IGSF9B: variants seen among roughly 807,000 people sequenced by gnomAD.
IGSF9B encodes the protein protein turtle homolog B.
IGSF9B carries 48 observed loss-of-function variants against 143.7 expected under a neutral mutation model. That is an observed-to-expected ratio of 0.33 (90% CI 0.26 to 0.42). IGSF9B has a LOEUF of 0.42. Among genes scored for constraint, IGSF9B ranks in the 20% least tolerant of loss-of-function variants. The pLI is 1.00. For missense variants in IGSF9B, 1,706 were observed against 1,980.0 expected (o/e 0.86, Z 2.63); for synonymous variants, 903 against 833.1 (o/e 1.08, Z -1.44).
rs1939739550 is a variant in IGSF9B, at chr11:133,931,967, T to C, written c.1110+104A>G. ...GCAGCTCTCTGTTTGCCCAGGGCTT[T>C]TGGAAGGGGCCAGGAGTCCTGGCAG... On this transcript the variant is annotated intron_variant, in intron 8 of 19. Coordinates refer to ENST00000533871, the MANE Select transcript of IGSF9B (RefSeq NM_001277285.4). This position sits in a 1 kb window ranked among gnomAD's most constrained non-coding sequence, Gnocchi z 7.7. 6.6e-7 allele frequency: 1 copy of C among 1,511,718 alleles called. No homozygotes were observed. Among genetic ancestry groups the C allele is most frequent in the African/African-American group, 1.4e-5 (1 of 71,620 alleles). 93.6% of individuals were successfully genotyped at this position (1,511,718 alleles called of 1,614,324 possible).
intron 3 of IGSF9B, among the ~76,000 whole-genome samples, chr11:133,939,970 G>A (rs1279275339): frequency 1.4e-5 from 2 of 145,642 alleles, no homozygotes; most frequent in African/African-American, 2.6e-5. Context: ...CCTCGCATGC[G>A]TCATCACATA....
chr11:133,938,106 T>C, intron 3 of IGSF9B, 145 bp from the exon 4 acceptor site: 1 of 887,902 alleles, frequency 1.1e-6, no homozygotes, highest in South Asian at 1.8e-5. Flanking sequence ...GGAAAAACTT[T>C]CTGCCTACCA....
chr11:133,920,865 G>C lies in IGSF9B; in HGVS notation c.2860C>G (p.Arg954Gly). 1 of 1,602,022 alleles carries C rather than the reference G, an allele frequency of 6.2e-7. No homozygotes were observed. Among genetic ancestry groups the C allele is most frequent in the Non-Finnish European group, 8.5e-7 (1 of 1,173,738 alleles). The stretch of plus-strand genomic sequence containing the variant: ...TGGAAGGGCCGGGGGGCAGGGGGCC[G>C]GGCCTGGCCTGTGGCCTGAAGCCGA... Reference protein sequence around the residue: ...EGRLQATGQARPPAPRPFHHG... With the variant: ...EGRLQATGQAGPPAPRPFHHG... Residue 954 changes from arginine (R) to glycine (G), a missense_variant, in exon 18 of 20, where the codon CGG (arginine) becomes GGG (glycine). Physicochemically the swap from Arg to Gly is moderately radical, Grantham distance 125 (BLOSUM62 -2). Transcript: ENST00000533871.
At chr11:133,918,974 A>G (rs10791338) in intron 18 of IGSF9B, 333,918 of 471,792 alleles carry the variant, frequency 0.71, 120,375 homozygotes, top group East Asian at 0.83. Flanking sequence ...GACGGCAGGG[A>G]AGAAGGATGA....
rs1272437558 is a variant in IGSF9B, at chr11:133,896,983, C to T, written c.*12086G>A. Reference sequence around the variant, plus strand: ...GCCCAGCAGCAGGATGCCCAGGGTCCCTGCAGGAAGAACCCTCTTCCCCAG... The same window carrying T: ...GCCCAGCAGCAGGATGCCCAGGGTCTCTGCAGGAAGAACCCTCTTCCCCAG... On this transcript the variant is annotated 3_prime_UTR_variant, in exon 20 of 20. Coordinates refer to ENST00000533871, the MANE Select transcript of IGSF9B (RefSeq NM_001277285.4). The T allele has an allele frequency of 1.3e-5, 2 of 152,288 alleles. No individual in the cohort carries two copies. The highest frequency in any genetic ancestry group is 2.9e-5 in the Non-Finnish European group (2 of 68,158). The allele number at this position is 152,288 out of a possible 1,614,324, so 9.4% of individuals were successfully genotyped here.
intron 18 of IGSF9B, chr11:133,912,335 G>A: frequency 2.0e-6 from 1 of 503,626 alleles, no homozygotes; most frequent in South Asian, 1.5e-5. Flanking sequence ...TAGTGTCAGA[G>A]ACAGAAGTAG....
chr11:133,922,853 C>T (rs1009301895), intron 15 of IGSF9B, 123 bp from the exon 16 acceptor site: 2 of 856,848 alleles, frequency 2.3e-6, no homozygotes, highest in African/African-American at 3.4e-5. Flanking sequence ...GGCTCGGGCT[C>T]CAAGCTGAAC....
In IGSF9B at chr11:133,898,991, G is replaced by A. The variant is rs3802918; in HGVS notation, c.*10078C>T. 0.048 allele frequency: 7,380 copies of A among 152,408 alleles called. 358 individuals are homozygous for A. The highest frequency in any genetic ancestry group is 0.16 in the Admixed American group (2,405 of 15,306). 9.4% of individuals were successfully genotyped at this position (152,408 alleles called of 1,614,324 possible). On this transcript the variant is annotated 3_prime_UTR_variant, in exon 20 of 20. Transcript: ENST00000533871. ...CCCCAAGCTGCTGGTTGGTGACAGT[G>A]GGGAAGAGGGACAGGGCCCACACTG... is the stretch of plus-strand genomic sequence containing the variant.
In IGSF9B at chr11:133,908,331, C is replaced by G. The variant is rs757628607; in HGVS notation, c.*738G>C. Among the ~76,000 whole-genome samples the G allele has an allele frequency of 1.3e-5, 2 of 152,052 alleles. No homozygotes were observed. The highest frequency in any genetic ancestry group is 2.9e-5 in the Non-Finnish European group (2 of 68,014). Reference sequence around the variant, plus strand: ...GTTCTGCAGTAACTCATTACTGAACCCCCATAGAAGGCAGCCGGTAATCAC... The same window carrying G: ...GTTCTGCAGTAACTCATTACTGAACGCCCATAGAAGGCAGCCGGTAATCAC... On this transcript the variant is annotated 3_prime_UTR_variant, in exon 20 of 20. Transcript: ENST00000533871.
chr11:133,944,475 T>G, intron 2 of IGSF9B, 109 bp from the exon 3 acceptor site: 2 of 1,160,952 alleles, frequency 1.7e-6, no homozygotes, highest in Non-Finnish European at 1.2e-6. Flanking sequence ...CTTCATACCA[T>G]TCCCTATGGC....
In IGSF9B at chr11:133,913,749, A is replaced by G. The variant is rs1310273807; in HGVS notation, c.3984-1742T>C. Reference sequence around the variant, plus strand: ...AAGCGGGAAGGCAGACAAAGGGTGCAGGTGCCCGGGCGGGAGGCAGCACAC... The same window carrying G: ...AAGCGGGAAGGCAGACAAAGGGTGCGGGTGCCCGGGCGGGAGGCAGCACAC... On this transcript the variant is annotated intron_variant, in intron 18 of 19. Transcript: ENST00000533871. This position sits in a 1 kb window ranked among gnomAD's most constrained non-coding sequence, Gnocchi z 4.6. Among the ~76,000 whole-genome samples the G allele has an allele frequency of 2.6e-5, 4 of 152,236 alleles. No individual in the cohort carries two copies. The highest frequency in any genetic ancestry group is 7.2e-5 in the African/African-American group (3 of 41,464).
At chr11:133,952,648 G>A (rs1332903484) in intron 1 of IGSF9B, among the ~76,000 whole-genome samples, 1 of 152,092 alleles carries the variant, frequency 6.6e-6, no homozygotes, top group Non-Finnish European at 1.5e-5. Flanking sequence ...GGGCACATGT[G>A]CACACACATA....
In IGSF9B at chr11:133,946,128, G is replaced by A. The variant is rs145387553; in HGVS notation, c.195C>T (p.Phe65=). 437 of 1,611,338 alleles carry A rather than the reference G, an allele frequency of 2.7e-4. 1 individual carries two copies. The African/African-American group carries it at 4.5e-3, about 17-fold the overall frequency. The change falls in exon 2 of 20, where the codon TTC becomes TTT. Residue 65 remains phenylalanine, a synonymous_variant. Transcript: ENST00000533871. ...TGATGAAGATAGGGATGGGGACCCC[G>A]AACTTGAACCACTCTACGACATAGG... ...PPPYVVEWFK[F]GVPIPIFIKF...
At chr11:133,947,708 T>TTTTCTCTCTCTCTC (rs1555098681) in intron 1 of IGSF9B, among the ~76,000 whole-genome samples, 1 of 134,800 alleles carries the variant, frequency 7.4e-6, no homozygotes, top group Non-Finnish European at 1.6e-5. Flanking sequence ...TCTGTGTTTG[T>TTTTCTCTCTCTCTC]TCTCTCTCTC....
Position 133,956,907 on chromosome 11 carries a change from C to T in IGSF9B, c.-153G>A. On this transcript the variant is annotated 5_prime_UTR_variant, in exon 1 of 20. Transcript: ENST00000533871. ...AGCCCGGGTGGCCAGCTCTCCATCC[C>T]TCCTAGGCTCCGCTCGGCTCGGCGC... is the stretch of plus-strand genomic sequence containing the variant. 1 of 402,732 alleles carries T rather than the reference C, an allele frequency of 2.5e-6. No individual in the cohort carries two copies. The highest frequency in any genetic ancestry group is 4.4e-6 in the Non-Finnish European group (1 of 226,324). The allele number at this position is 402,732 out of a possible 1,614,324, so 24.9% of individuals were successfully genotyped here.
Position 133,904,467 on chromosome 11 carries a change from A to G in IGSF9B, c.*4602T>C, listed in dbSNP as rs140756870. ...ATTCTAGAAGAAGCAAGGAAGATCT[A>G]GCTAAGAAGCAAGACCTCTCCCAAG... On this transcript the variant is annotated 3_prime_UTR_variant, in exon 20 of 20. Transcript: ENST00000533871. Among the ~76,000 whole-genome samples, 108 of 152,300 alleles carry G rather than the reference A, an allele frequency of 7.1e-4. No individual in the cohort carries two copies. The highest frequency in any genetic ancestry group is 2.6e-3 in the African/African-American group (107 of 41,568).
chr11:133,928,404 A>G lies in IGSF9B; in HGVS notation c.1631+1267T>C, dbSNP rs1466194519. On this transcript the variant is annotated intron_variant, in intron 12 of 19. Transcript: ENST00000533871. The surrounding 1 kb of genome is among the most constrained non-coding windows in gnomAD (Gnocchi z 4.7). Reference sequence around the variant, plus strand: ...ACCCAGGACACTCCGCCCGGGAAGCAGCCACCGAACCACCATGATGGGAGA... The same window carrying G: ...ACCCAGGACACTCCGCCCGGGAAGCGGCCACCGAACCACCATGATGGGAGA... Among the ~76,000 whole-genome samples the G allele has an allele frequency of 5.3e-5, 8 of 152,170 alleles. No individual in the cohort carries two copies. Among genetic ancestry groups the G allele is most frequent in the African/African-American group, 1.9e-4 (8 of 41,438 alleles).
At chr11:133,935,909 G>T in intron 6 of IGSF9B, 144 bp downstream of exon 6, 1 of 1,383,176 alleles carries the variant, frequency 7.2e-7, no homozygotes, top group Non-Finnish European at 9.8e-7. Context: ...CCTGGCCTTG[G>T]CATGTGAGAC....
rs1333893528 is a variant in IGSF9B at position 133,913,500 on chromosome 11, G to A, written c.3984-1493C>T. 6.6e-6 allele frequency among the ~76,000 whole-genome samples: 1 copy of A among 152,186 alleles called. No individual in the cohort carries two copies. Among genetic ancestry groups the A allele is most frequent in the East Asian group, 1.9e-4 (1 of 5,184 alleles). On this transcript the variant is annotated intron_variant, in intron 18 of 19. Transcript: ENST00000533871. The surrounding 1 kb of genome is among the most constrained non-coding windows in gnomAD (Gnocchi z 4.6). ...AGTGACCTCCATCTTCCTGGGGGAT[G>A]TCATCATTCTCTAGTCCTTTAGTCC... is the stretch of plus-strand genomic sequence containing the variant.
Sources: gnomAD v4.1 joint callset for allele counts (sites outside exome capture counted in the v4.1 genomes callset) on GRCh38, gnomAD v4.1.1 for gene constraint, Gnocchi (gnomAD v3.1) non-coding constraint, MANE v1.5 for transcripts, NCBI Gene and HGNC (gene_info 2026-07-23, HGNC 2026-07-21) for gene names.